OSBPL9: variants seen among roughly 807,000 people sequenced by gnomAD.
The protein encoded by OSBPL9 is oxysterol binding protein like 9.
A neutral mutation model predicts 106.6 loss-of-function variants in OSBPL9; 40 were observed. The observed-to-expected ratio is 0.38, with a 90% CI of 0.29 to 0.49. The LOEUF (loss-of-function observed/expected upper bound fraction) is 0.49, where lower values mean the gene tolerates loss of function less well. Ranked by LOEUF, OSBPL9 falls within the 20% of genes least tolerant of loss-of-function variation. The pLI, the probability that OSBPL9 is intolerant of heterozygous loss-of-function variation, is 0.97. For synonymous variants in OSBPL9, 269 were observed against 295.4 expected (o/e 0.91, Z 0.92); for missense variants, 609 against 887.2 (o/e 0.69, Z 3.98).
At chr1:51,702,595 G>T (rs1373051480) in intron 3 of OSBPL9, among the ~76,000 whole-genome samples, 8 of 152,136 alleles carry the variant, frequency 5.3e-5, no homozygotes, top group Non-Finnish European at 7.4e-5. Flanking sequence ...TCTGTAGGTT[G>T]CCTGTTCAGT....
At chr1:51,628,684 C>CTTTTTTTTT (rs909175159) in intron 1 of OSBPL9, among the ~76,000 whole-genome samples, 13 of 134,454 alleles carry the variant, frequency 9.7e-5, no homozygotes, top group Non-Finnish European at 1.8e-4. Flanking sequence ...TTCTTTTTTT[C>CTTTTTTTTT]TTTTTTTTTT....
intron 3 of OSBPL9, among the ~76,000 whole-genome samples, chr1:51,702,856 A>G (rs1417438317): frequency 6.6e-5 from 10 of 152,314 alleles, no homozygotes; most frequent in African/African-American, 9.6e-5. Flanking sequence ...TCAGCTTTCT[A>G]CATATGGCTA....
chr1:51,548,194 A>G, the OSBPL9 span, among the ~76,000 whole-genome samples: 2 of 152,194 alleles, frequency 1.3e-5, no homozygotes, highest in African/African-American at 2.4e-5. Context: ...TATGTGCAGA[A>G]TGGGTAGAAT....
chr1:51,772,713 A>T lies in OSBPL9; in HGVS notation c.1160A>T (p.Asp387Val), dbSNP rs1181758444. The change falls in exon 14 of 24, where the codon GAT (aspartate) becomes GTT (valine). Residue 387 changes from aspartate to valine, a missense_variant. Transcript: ENST00000428468. The stretch of plus-strand genomic sequence containing the variant: ...TTGTCGCAGGTTAGACTTGGAATGG[A>T]TCTTACTAAGGTAAGACCAAATTTG... The part of the protein sequence containing the change: ...HLLSQVRLGM[D>V]LTKVVLPTFI... 6.2e-7 allele frequency: 1 copy of T among 1,613,580 alleles called. No individual in the cohort carries two copies. The highest frequency in any genetic ancestry group is 8.5e-7 in the Non-Finnish European group (1 of 1,179,500).
intron 1 of OSBPL9, among the ~76,000 whole-genome samples, chr1:51,620,369 G>A (rs2148621995): frequency 6.6e-6 from 1 of 152,214 alleles, no homozygotes; most frequent in South Asian, 2.1e-4. Flanking sequence ...TAGGAAGTGG[G>A]GTTAAAGTGG....
At chr1:51,540,769 G>A in the OSBPL9 span, among the ~76,000 whole-genome samples, 1 of 151,916 alleles carries the variant, frequency 6.6e-6, no homozygotes, top group South Asian at 2.1e-4. Context: ...GACCAGCCTG[G>A]CCAACATGGT....
the OSBPL9 span, among the ~76,000 whole-genome samples, chr1:51,546,702 A>C: frequency 7.2e-5 from 11 of 152,122 alleles, no homozygotes; most frequent in African/African-American, 1.9e-4. Flanking sequence ...GTCTCAAAAA[A>C]AAAAAACAAA....
At position 51,785,880 on chromosome 1, in the gene OSBPL9, A is replaced by C. The variant is rs1677494865; in HGVS notation, c.1902A>C (p.Ala634=). The change falls in exon 21 of 24, where the codon GCA becomes GCC. Residue 634 remains alanine, a synonymous_variant. Coordinates refer to ENST00000428468, the MANE Select transcript of OSBPL9 (RefSeq NM_024586.6). The stretch of plus-strand genomic sequence containing the variant: ...ATGGTGTGATGTATGCAAAATATGC[A>C]ACAGGGGTAAGATCCTCTATTTTGC... ...EWNGVMYAKY[A]TGENTVFVDT... The C allele has an allele frequency of 6.2e-7, 1 of 1,610,322 alleles. No homozygotes were observed. The highest frequency in any genetic ancestry group is 1.1e-5 in the South Asian group (1 of 90,634).
At chr1:51,561,443 G>A in the OSBPL9 span, 5 of 152,126 alleles carry the variant, frequency 3.3e-5, no homozygotes, top group Admixed American at 3.3e-4. Flanking sequence ...AATTTACCAG[G>A]TGCTTAAAGA....
intron 8 of OSBPL9, chr1:51,752,376 T>C: frequency 3.4e-6 from 1 of 296,218 alleles, no homozygotes; most frequent in Non-Finnish European, 6.9e-6. Context: ...GAAAGACTTT[T>C]CCTGACTCCT....
chr1:51,766,651 C>G (rs1486449542), intron 12 of OSBPL9, among the ~76,000 whole-genome samples: 2 of 152,132 alleles, frequency 1.3e-5, no homozygotes, highest in African/African-American at 4.8e-5. Flanking sequence ...GTGCTAGAAG[C>G]CATTACTAAG....
intron 1 of OSBPL9, among the ~76,000 whole-genome samples, chr1:51,639,239 G>A (rs1345444677): frequency 2.6e-5 from 4 of 152,194 alleles, no homozygotes; most frequent in Admixed American, 6.5e-5. Context: ...TAGAACCAGC[G>A]TCTTGTGATT....
intron 2 of OSBPL9, among the ~76,000 whole-genome samples, chr1:51,606,353 C>A (rs1173664634): frequency 2.0e-5 from 3 of 152,230 alleles, no homozygotes; most frequent in Non-Finnish European, 4.4e-5. Flanking sequence ...TCAGCACTAT[C>A]TTTAGCACTT....
At chr1:51,573,508 CAAAA>C (rs961323006), upstream of OSBPL9, among the ~76,000 whole-genome samples, 2 of 25,060 alleles carry the variant, frequency 8.0e-5, no homozygotes, top group Non-Finnish European at 1.5e-4. Flanking sequence ...AACTCCATCT[CAAAA>C]AAAAAAAAAA....
At chr1:51,714,228 G>T in intron 4 of OSBPL9, 149 bp downstream of exon 4, 2 of 561,388 alleles carry the variant, frequency 3.6e-6, no homozygotes. Context: ...TACAGTTATA[G>T]TAAAGTTATA....
At chr1:51,596,973 G>C (rs912802012) in intron 1 of OSBPL9, among the ~76,000 whole-genome samples, 1 of 152,182 alleles carries the variant, frequency 6.6e-6, no homozygotes, top group African/African-American at 2.4e-5. Context: ...GAGAGATGGA[G>C]AAAGCTTTCA....
intron 3 of OSBPL9, among the ~76,000 whole-genome samples, chr1:51,702,697 T>C (rs1657568845): frequency 6.6e-6 from 1 of 152,244 alleles, no homozygotes; most frequent in African/African-American, 2.4e-5. Flanking sequence ...GCTTTTGGTG[T>C]TTTAGACATG....
At chr1:51,749,332 A>G (rs79438816) in intron 7 of OSBPL9, among the ~76,000 whole-genome samples, 2,778 of 152,034 alleles carry the variant, frequency 0.018, 47 homozygotes, top group African/African-American at 0.044. Context: ...TTTTTTTAAG[A>G]AACAGGGTCT....
At chr1:51,715,838 T>G (rs1660954217) in intron 4 of OSBPL9, among the ~76,000 whole-genome samples, 1 of 152,218 alleles carries the variant, frequency 6.6e-6, no homozygotes, top group Non-Finnish European at 1.5e-5. Context: ...CTTCTACCCT[T>G]TTTTTCAAAG....
Sources: gnomAD v4.1 joint callset for allele counts (sites outside exome capture counted in the v4.1 genomes callset) on GRCh38, gnomAD v4.1.1 for gene constraint, MANE v1.5 for transcripts, NCBI Gene and HGNC (gene_info 2026-07-23, HGNC 2026-07-21) for gene names.